The following SGIP1 variants were observed in gnomAD, a reference collection of about 807,000 sequenced individuals.
SGIP1 encodes SH3GL interacting endocytic adaptor 1.
SGIP1 carries 38 observed loss-of-function variants against 107.5 expected under a neutral mutation model. The ratio of observed to expected loss-of-function variants is 0.35; its 90% CI spans 0.27 to 0.46. The LOEUF is 0.46. Among genes scored for constraint, SGIP1 ranks in the 20% least tolerant of loss-of-function variants. The probability of loss-of-function intolerance (pLI) is 1.00; values close to 1 mark genes in which losing one functional copy is unlikely to be tolerated. For missense variants in SGIP1, 929 were observed against 1,019.5 expected, an observed-to-expected ratio of 0.91 and a Z score of 1.21; for synonymous variants, 365 against 366.1, an observed-to-expected ratio of 1.00 and a Z score of 0.03.
At chr1:66,623,730 C>T (rs1199602801) in intron 1 of SGIP1, among the ~76,000 whole-genome samples, 1 of 152,148 alleles carries the variant, frequency 6.6e-6, no homozygotes, top group Non-Finnish European at 1.5e-5. Flanking sequence ...TGTGCAGATT[C>T]TTTCGTCTCT....
In SGIP1 at chr1:66,545,628, T is replaced by TTGTGTGTGTGTGTGTG. The variant is rs769603266; in HGVS notation, c.10+11286_10+11301dup. On this transcript the variant is annotated intron_variant, in intron 1 of 24. Coordinates refer to ENST00000371037, the MANE Select transcript of SGIP1 (RefSeq NM_032291.4). ...CTCCAGAGAGACAGAACTGAACAAA[T>TTGTGTGTGTGTGTGTG]TGTGTGTGTGTGTGTGTGTGTGTGT... 4.7e-3 allele frequency among the ~76,000 whole-genome samples: 647 copies of TTGTGTGTGTGTGTGTG among 139,012 alleles called. 3 individuals are homozygous for TTGTGTGTGTGTGTGTG. The highest frequency in any genetic ancestry group is 9.3e-3 in the Admixed American group (128 of 13,698). 91.2% of individuals were successfully genotyped at this position (139,012 alleles called of 152,430 possible). A position where few individuals can be genotyped will look rare whatever the true frequency, so the allele number is the denominator to read the frequency against.
At chr1:66,692,404 T>C (rs2090057183) in intron 17 of SGIP1, among the ~76,000 whole-genome samples, 1 of 152,174 alleles carries the variant, frequency 6.6e-6, no homozygotes, top group Admixed American at 6.5e-5. Flanking sequence ...TTTGTTATGT[T>C]TATTTGGTGT....
At position 66,610,482 on chromosome 1, in the gene SGIP1, C is replaced by G. The variant is rs368450169; in HGVS notation, c.11-15365C>G. 6.6e-5 allele frequency among the ~76,000 whole-genome samples: 10 copies of G among 152,230 alleles called. No homozygotes were observed. The East Asian group carries it at 1.4e-3, about 21-fold the overall frequency. ...TTCAGTTTTGCTCATCTTACCGAAC[C>G]AGACATTGATCTCTTACCTGATGTT... is the stretch of plus-strand genomic sequence containing the variant. On this transcript the variant is annotated intron_variant, in intron 1 of 24. Transcript: ENST00000371037.
intron 1 of SGIP1, among the ~76,000 whole-genome samples, chr1:66,566,360 C>T (rs12041078): frequency 0.15 from 23,453 of 152,008 alleles, 2,366 homozygotes; most frequent in East Asian, 0.45. Context: ...CTAATAACAA[C>T]TAATAATTTG....
chr1:66,559,012 G>C (rs1451768613), intron 1 of SGIP1, among the ~76,000 whole-genome samples: 2 of 151,978 alleles, frequency 1.3e-5, no homozygotes, highest in Non-Finnish European at 2.9e-5. Context: ...GGGGATGAGG[G>C]AAAGGAGAAG....
chr1:66,695,603 T>C (rs553346453), intron 18 of SGIP1, 110 bp downstream of exon 18: 15 of 986,156 alleles, frequency 1.5e-5, no homozygotes, highest in Non-Finnish European at 2.1e-5. Context: ...TCTCACTTTC[T>C]ATATGAAAAT....
intron 1 of SGIP1, among the ~76,000 whole-genome samples, chr1:66,596,200 G>T (rs574791871): frequency 6.6e-6 from 1 of 152,278 alleles, no homozygotes; most frequent in Admixed American, 6.5e-5. Context: ...CCCACATTCA[G>T]CAGTTCCTGA....
At chr1:66,590,936 TG>T (rs1316035146) in intron 1 of SGIP1, among the ~76,000 whole-genome samples, 3 of 152,254 alleles carry the variant, frequency 2.0e-5, no homozygotes, top group African/African-American at 7.2e-5. Context: ...GTAGCCCAGC[TG>T]TCAGTGGCTC....
At chr1:66,553,650 T>C (rs2057751872) in intron 1 of SGIP1, among the ~76,000 whole-genome samples, 1 of 147,096 alleles carries the variant, frequency 6.8e-6, no homozygotes, top group South Asian at 2.2e-4. Context: ...CACTCCAGTC[T>C]GGGTGACAGA....
chr1:66,545,747 G>A (rs573003217), intron 1 of SGIP1, among the ~76,000 whole-genome samples: 46 of 151,964 alleles, frequency 3.0e-4, no homozygotes, highest in African/African-American at 1.1e-3. Context: ...TGGCATGGCA[G>A]GTCCAAAATT....
chr1:66,657,644 C>A (rs1372887698), intron 7 of SGIP1, among the ~76,000 whole-genome samples: 1 of 152,104 alleles, frequency 6.6e-6, no homozygotes, highest in East Asian at 1.9e-4. Context: ...TCCTTGAAAG[C>A]TGTTGATTAT....
chr1:66,563,639 G>T (rs886430791), intron 1 of SGIP1, among the ~76,000 whole-genome samples: 4 of 151,982 alleles, frequency 2.6e-5, no homozygotes, highest in Admixed American at 2.6e-4. Context: ...GAATCACATC[G>T]GATGGAATGT....
chr1:66,587,658 T>C (rs1428432091), intron 1 of SGIP1, among the ~76,000 whole-genome samples: 21 of 152,144 alleles, frequency 1.4e-4, no homozygotes, highest in Admixed American at 1.4e-3. Context: ...GTGAACATTC[T>C]AGGATACTGC....
At chr1:66,606,885 T>A (rs576951809) in intron 1 of SGIP1, among the ~76,000 whole-genome samples, 16 of 152,260 alleles carry the variant, frequency 1.1e-4, no homozygotes, top group Non-Finnish European at 2.2e-4. Flanking sequence ...TTCTTGCCTG[T>A]ATTTTATGAG....
At chr1:66,661,833 G>A (rs990973572) in intron 8 of SGIP1, among the ~76,000 whole-genome samples, 3 of 151,926 alleles carry the variant, frequency 2.0e-5, no homozygotes, top group Non-Finnish European at 4.4e-5. Context: ...TTCTCCTGTT[G>A]TCCTTCACGG....
At chr1:66,671,376 A>G (rs1475047806) in intron 10 of SGIP1, among the ~76,000 whole-genome samples, 1 of 152,198 alleles carries the variant, frequency 6.6e-6, no homozygotes, top group Non-Finnish European at 1.5e-5. Flanking sequence ...AAGTAGAAGC[A>G]ACTTACCCAT....
At chr1:66,640,115 C>T (rs766933545) in intron 5 of SGIP1, among the ~76,000 whole-genome samples, 7 of 152,102 alleles carry the variant, frequency 4.6e-5, no homozygotes, top group Admixed American at 1.3e-4. Flanking sequence ...TGGCCCAAGA[C>T]GATTCTTCTT....
At chr1:66,566,008 A>G (rs1393542703) in intron 1 of SGIP1, among the ~76,000 whole-genome samples, 7 of 146,440 alleles carry the variant, frequency 4.8e-5, no homozygotes, top group Non-Finnish European at 1.1e-4. Context: ...CAAGTAAAAT[A>G]TTTTAGGTCC....
chr1:66,637,440 CGT>C (rs751840778), intron 4 of SGIP1, among the ~76,000 whole-genome samples: 1 of 112,392 alleles, frequency 8.9e-6, no homozygotes, highest in Non-Finnish European at 1.8e-5. Flanking sequence ...CTAATAAAGC[CGT>C]GTGTGTGTGT....
Sources: gnomAD v4.1 joint callset for allele counts (sites outside exome capture counted in the v4.1 genomes callset) on GRCh38, gnomAD v4.1.1 for gene constraint, MANE v1.5 for transcripts, NCBI Gene and HGNC (gene_info 2026-07-23, HGNC 2026-07-21) for gene names.